CYP26C1: variants seen among roughly 807,000 people sequenced by gnomAD.
CYP26C1 encodes cytochrome P450 26C1.
Under a neutral mutation model 39.1 loss-of-function variants are expected in CYP26C1, and 41 were observed. The observed-to-expected ratio is 1.05, with a 90% confidence interval of 0.82 to 1.36. The LOEUF is 1.36. Ranked by LOEUF, CYP26C1 falls within the 40% of genes most tolerant of loss-of-function variation. The pLI is 0.00. For synonymous variants in CYP26C1, 362 were observed against 350.8 expected (o/e 1.03, Z -0.36); for missense variants, 833 against 752.0 (o/e 1.11, Z -1.26).
chr10:93,062,725 G>C lies in CYP26C1; in HGVS notation c.435G>C (p.Leu145=), dbSNP rs550405662. Residue 145 remains leucine, a synonymous_variant, in exon 3 of 6, where the codon CTG becomes CTC. Transcript: ENST00000651965. ...GATCACGCGCGCTCCCACAGGTCCT[G>C]GCGCGCGTGTTCAGCCGCGCCGCGC... ...GEPHRRRRKV[L]ARVFSRAALE... is the part of the protein sequence containing the mutation. 1 of 1,424,604 alleles carries C rather than the reference G, an allele frequency of 7.0e-7. No individual in the cohort carries two copies. The highest frequency in any genetic ancestry group is 1.5e-5 in the African/African-American group (1 of 66,344). 88.2% of individuals were successfully genotyped at this position (1,424,604 alleles called of 1,614,324 possible).
intron 5 of CYP26C1, 100 bp from the exon 6 acceptor site, chr10:93,068,220 T>G: frequency 7.2e-7 from 1 of 1,382,742 alleles, no homozygotes; most frequent in South Asian, 1.9e-5. Flanking sequence ...TCCTCCTGGT[T>G]TTCGGAAGCC....
rs1846745552 is a variant in CYP26C1, at chr10:93,061,373, G to A, written c.110G>A (p.Trp37Ter). The change falls in exon 1 of 6, where the codon TGG becomes TAG. Residue 37 changes from tryptophan to a stop codon, truncating the protein, a stop_gained. Transcript: ENST00000651965. LOFTEE classifies it high-confidence loss of function. ...SLAQHLWTLR[W>*]MLSRDRASTL... ...GCCCAGCACCTCTGGACCCTCCGCTGGATGCTGAGCCGGGACCGGGCCTCC... is the reference window on the plus strand; with the variant it reads ...GCCCAGCACCTCTGGACCCTCCGCTAGATGCTGAGCCGGGACCGGGCCTCC... 1 of 1,574,580 alleles carries A rather than the reference G, an allele frequency of 6.4e-7. No individual in the cohort carries two copies. Among genetic ancestry groups the A allele is most frequent in the Non-Finnish European group, 8.6e-7 (1 of 1,160,368 alleles).
chr10:93,067,432 C>T (rs1459718363), intron 5 of CYP26C1, among the ~76,000 whole-genome samples: 4 of 152,206 alleles, frequency 2.6e-5, no homozygotes, highest in African/African-American at 9.7e-5. Context: ...ATGCAAGCTT[C>T]ATTCTGCAGG....
intron 5 of CYP26C1, 115 bp from the exon 6 acceptor site, chr10:93,068,205 C>A (rs1846851279): frequency 1.5e-6 from 2 of 1,296,230 alleles, no homozygotes; most frequent in Non-Finnish European, 1.0e-6. Context: ...GGGTTAATCG[C>A]GGATTCCTCC....
intron 3 of CYP26C1, 72 bp from the exon 4 acceptor site, chr10:93,064,309 T>G: frequency 6.6e-7 from 1 of 1,516,378 alleles, no homozygotes; most frequent in Non-Finnish European, 8.9e-7. Context: ...CTGAGAAGGT[T>G]TTCTGGGTAA....
chr10:93,064,377 T>C lies in CYP26C1; in HGVS notation c.706-4T>C. On this transcript the variant is annotated splice_polypyrimidine_tract_variant and splice_region_variant and intron_variant, in intron 3 of 5. Coordinates refer to ENST00000651965, the MANE Select transcript of CYP26C1 (RefSeq NM_183374.3). Reference sequence around the variant, plus strand: ...CCCATCTTTCTTCTCTCCCTGAACATCAGGGCATCCGGGCAAGGGACCAGC... The same window carrying C: ...CCCATCTTTCTTCTCTCCCTGAACACCAGGGCATCCGGGCAAGGGACCAGC... The C allele has an allele frequency of 6.2e-7, 1 of 1,612,554 alleles. No homozygotes were observed. Among genetic ancestry groups the C allele is most frequent in the Non-Finnish European group, 8.5e-7 (1 of 1,179,172 alleles).
intron 4 of CYP26C1, 118 bp downstream of exon 4, chr10:93,064,654 C>T: frequency 6.7e-7 from 1 of 1,488,206 alleles, no homozygotes; most frequent in Non-Finnish European, 8.9e-7. Flanking sequence ...ACAGGCAGTC[C>T]TCAAGATGAG....
chr10:93,061,600 G>A (rs377621070), intron 1 of CYP26C1, 133 bp downstream of exon 1: 3 of 1,185,836 alleles, frequency 2.5e-6, no homozygotes, highest in East Asian at 2.6e-5. Context: ...CGGGAAGCGC[G>A]CACAACTCTC....
In CYP26C1 at chr10:93,066,276, CG is replaced by C. The variant is rs1846826586; in HGVS notation, c.1183del (p.Glu395SerfsTer13). 1.2e-5 allele frequency: 17 copies of C among 1,399,648 alleles called. No individual in the cohort carries two copies. Among genetic ancestry groups the C allele is most frequent in the Non-Finnish European group, 1.5e-5 (16 of 1,077,002 alleles). 86.7% of individuals were successfully genotyped at this position (1,399,648 alleles called of 1,614,324 possible). A position where few individuals can be genotyped will look rare whatever the true frequency, so the allele number is the denominator to read the frequency against. ...GGYRTALRTF[E>X]LDGYQIPKGW... ...GCTACCGCACCGCCCTGCGCACCTTCGAGCTCGACGTAAGTGCGCCGTGCCA... is the reference window on the plus strand; with the variant it reads ...GCTACCGCACCGCCCTGCGCACCTTCAGCTCGACGTAAGTGCGCCGTGCCA... On this transcript the variant is annotated frameshift_variant, in exon 5 of 6. Transcript: ENST00000651965. LOFTEE classifies it high-confidence loss of function.
intron 5 of CYP26C1, among the ~76,000 whole-genome samples, chr10:93,067,232 T>C (rs1288579868): frequency 6.6e-6 from 1 of 152,206 alleles, no homozygotes; most frequent in African/African-American, 2.4e-5. Context: ...CCACTTGTAG[T>C]GTGACAGCCT....
In CYP26C1 at chr10:93,068,988, T is replaced by G; in HGVS notation, c.*291T>G. ...AGCAGGAATGGAGGGAATAGATAGA[T>G]CCCCACGAGGTGCTGCTTGGCTTCC... On this transcript the variant is annotated 3_prime_UTR_variant, in exon 6 of 6. Coordinates refer to ENST00000651965, the MANE Select transcript of CYP26C1 (RefSeq NM_183374.3). 1 of 359,152 alleles carries G rather than the reference T, an allele frequency of 2.8e-6. No individual in the cohort carries two copies. Among genetic ancestry groups the G allele is most frequent in the South Asian group, 8.9e-5 (1 of 11,194 alleles). 22.2% of individuals were successfully genotyped at this position (359,152 alleles called of 1,614,324 possible). A position where few individuals can be genotyped will look rare whatever the true frequency, so the allele number is the denominator to read the frequency against.
At position 93,062,973 on chromosome 10, in the gene CYP26C1, T is replaced by C; in HGVS notation, c.683T>C (p.Val228Ala). ...AACCTCTTCTCACTGCCTCTGGACG[T>C]TCCCTTCAGTGGCCTACGCAAGGTA... is the stretch of plus-strand genomic sequence containing the variant. ...VENLFSLPLD[V>A]PFSGLRKGIR... Residue 228 changes from valine to alanine, a missense_variant, in exon 3 of 6, where the codon GTT becomes GCT. Transcript: ENST00000651965. The C allele has an allele frequency of 6.3e-7, 1 of 1,593,742 alleles. No homozygotes were observed. The highest frequency in any genetic ancestry group is 8.5e-7 in the Non-Finnish European group (1 of 1,173,912).
Position 93,065,973 on chromosome 10 carries a change from C to A in CYP26C1, c.879C>A (p.Leu293=). Residue 293 remains leucine (L), a synonymous_variant, in exon 5 of 6, where the codon CTC becomes CTA. Transcript: ENST00000651965. ...TCTTGCAGGAGTCGGCTGTGGAGCT[C>A]CTCTTCGCCGCCTTCTTCACCACGG... ...MQELKESAVE[L]LFAAFFTTAS... 6.3e-7 allele frequency: 1 copy of A among 1,582,738 alleles called. No individual in the cohort carries two copies. Among genetic ancestry groups the A allele is most frequent in the Admixed American group, 1.7e-5 (1 of 57,370 alleles).
At position 93,066,144 on chromosome 10, in the gene CYP26C1, C is replaced by G. The variant is rs187448183; in HGVS notation, c.1050C>G (p.Pro350=). Reference sequence around the variant, plus strand: ...CTGGGGGCAGCGAGGGGCCCCCGCCCGACTGCGGCTGCGAGCCCGACCTCA... The same window carrying G: ...CTGGGGGCAGCGAGGGGCCCCCGCCGGACTGCGGCTGCGAGCCCGACCTCA... ...GAAGGSEGPP[P]DCGCEPDLSL... is the part of the protein sequence containing the mutation. Residue 350 remains proline (P), a synonymous_variant, in exon 5 of 6, where the codon CCC becomes CCG. Transcript: ENST00000651965. 3.7e-6 allele frequency: 5 copies of G among 1,366,276 alleles called. No individual in the cohort carries two copies. Among genetic ancestry groups the G allele is most frequent in the South Asian group, 1.9e-5 (1 of 52,792 alleles). 84.6% of individuals were successfully genotyped at this position (1,366,276 alleles called of 1,614,324 possible).
chr10:93,061,080 T>G lies in CYP26C1; in HGVS notation c.-184T>G. 2 of 629,170 alleles carry G rather than the reference T, an allele frequency of 3.2e-6. No homozygotes were observed. Among genetic ancestry groups the G allele is most frequent in the South Asian group, 4.3e-5 (2 of 46,764 alleles). The allele number at this position is 629,170 out of a possible 1,614,324, so 39.0% of individuals were successfully genotyped here. ...CCCTAAGGGCGCACGGTCACTGCAGTCTTTCACCGTCCGTCTGTTTTTAGA... is the reference window on the plus strand; with the variant it reads ...CCCTAAGGGCGCACGGTCACTGCAGGCTTTCACCGTCCGTCTGTTTTTAGA... On this transcript the variant is annotated 5_prime_UTR_variant, in exon 1 of 6. Transcript: ENST00000651965.
At position 93,064,504 on chromosome 10, in the gene CYP26C1, C is replaced by CT. The variant is rs764951308; in HGVS notation, c.830dup (p.His279ProfsTer2). 13 of 1,613,732 alleles carry CT rather than the reference C, an allele frequency of 8.1e-6. No individual in the cohort carries two copies. The highest frequency in any genetic ancestry group is 1.0e-5 in the Non-Finnish European group (12 of 1,179,864). On this transcript the variant is annotated frameshift_variant, in exon 4 of 6. Transcript: ENST00000651965. LOFTEE classifies it high-confidence loss of function. ...CCTAATCATTCACAGTGCAAGGGAG[C>CT]TGGGCCATGAGCCCTCCATGCAGGA...
intron 3 of CYP26C1, chr10:93,063,698 T>G (rs1846780674): frequency 2.0e-6 from 2 of 983,852 alleles, no homozygotes; most frequent in Non-Finnish European, 2.4e-6. Context: ...TTTTCTGATC[T>G]AATCCTCGCA....
intron 3 of CYP26C1, chr10:93,063,244 C>G: frequency 8.1e-7 from 1 of 1,238,762 alleles, no homozygotes; most frequent in Non-Finnish European, 1.0e-6. Context: ...CCTGCCGCGA[C>G]GCGCTCCAGC....
rs770637030 is a variant in CYP26C1 at position 93,066,086 on chromosome 10, T to A, written c.992T>A (p.Leu331Gln). ...CGGGAGGAGCTGGTGGCGCAGGGGC[T>A]GGGGCGCGCGTGCGGCTGCGCGCCC... The part of the protein sequence containing the change: ...KIREELVAQG[L>Q]GRACGCAPGA... Residue 331 changes from leucine (L) to glutamine (Q), a missense_variant, in exon 5 of 6, where the codon CTG becomes CAG. Physicochemically the swap from Leu to Gln is moderately radical, Grantham distance 113. Transcript: ENST00000651965. 18 of 1,364,162 alleles carry A rather than the reference T, an allele frequency of 1.3e-5. 1 individual carries two copies. The South Asian group carries it at 3.2e-4, about 24-fold the overall frequency. 84.5% of individuals were successfully genotyped at this position (1,364,162 alleles called of 1,614,324 possible). A position where few individuals can be genotyped will look rare whatever the true frequency, so the allele number is the denominator to read the frequency against.
Sources: allele counts gnomAD v4.1 joint callset (sites outside exome capture counted in the v4.1 genomes callset), GRCh38; gene constraint gnomAD v4.1.1; transcripts MANE v1.5; gene names NCBI Gene and HGNC (gene_info 2026-07-23, HGNC 2026-07-21).